The following PXYLP1 variants were observed in gnomAD, a reference collection of about 807,000 sequenced individuals.
PXYLP1 encodes 2-phosphoxylose phosphatase 1.
A neutral mutation model predicts 37.9 loss-of-function variants in PXYLP1; 17 were observed. That is an observed-to-expected ratio of 0.45 (90% CI 0.31 to 0.67). The LOEUF (loss-of-function observed/expected upper bound fraction) is 0.67, where lower values mean the gene tolerates loss of function less well. PXYLP1 is among the 30% of genes least tolerant of loss of function. PXYLP1 has a pLI of 0.07. For missense variants in PXYLP1, 511 were observed against 612.0 expected (o/e 0.84, Z 1.74); for synonymous variants, 221 against 232.2 (o/e 0.95, Z 0.44).
intron 1 of PXYLP1, among the ~76,000 whole-genome samples, chr3:141,233,857 C>T (rs1940593595): frequency 6.6e-6 from 1 of 152,208 alleles, no homozygotes; most frequent in Non-Finnish European, 1.5e-5. Flanking sequence ...CATACTGGGG[C>T]TCAGTAGGGT....
chr3:141,253,323 C>T (rs1024216538), intron 1 of PXYLP1, among the ~76,000 whole-genome samples: 1 of 152,206 alleles, frequency 6.6e-6, no homozygotes, highest in African/African-American at 2.4e-5. Context: ...CCAGCTCCGC[C>T]TGTGTGGCCT....
intron 1 of PXYLP1, among the ~76,000 whole-genome samples, chr3:141,254,122 A>G (rs1255066262): frequency 2.0e-5 from 3 of 152,108 alleles, no homozygotes; most frequent in Non-Finnish European, 4.4e-5. Context: ...TGTGTTGGCC[A>G]GGCTGGTCTT....
At chr3:141,283,411 G>C (rs954820251) in intron 4 of PXYLP1, among the ~76,000 whole-genome samples, 12 of 152,086 alleles carry the variant, frequency 7.9e-5, no homozygotes, top group African/African-American at 2.7e-4. Flanking sequence ...GAGGAGTGAG[G>C]GATGGGCCAA....
intron 1 of PXYLP1, among the ~76,000 whole-genome samples, chr3:141,248,520 CACACACGTATATATAT>C (rs1403311529): frequency 1.7e-4 from 25 of 147,642 alleles, no homozygotes; most frequent in African/African-American, 5.8e-4. Flanking sequence ...TATACACACA[CACACACGTATATATAT>C]ACACACACGT....
chr3:141,268,206 A>AGAGAGAGTGT (rs1325105026), intron 2 of PXYLP1, among the ~76,000 whole-genome samples: 1 of 51,304 alleles, frequency 1.9e-5, no homozygotes, highest in Non-Finnish European at 5.3e-5. Flanking sequence ...AGAGAGAGAG[A>AGAGAGAGTGT]GTGTGTGTGT....
chr3:141,287,461 T>C lies in PXYLP1; in HGVS notation c.505+8T>C. ...GAGAGCTCACACAGACAGGTATGTG[T>C]GACCCCCATGCGCTCAGGGGTTCCC... On this transcript the variant is annotated splice_region_variant and intron_variant, in intron 5 of 5. Coordinates refer to ENST00000286353, the MANE Select transcript of PXYLP1 (RefSeq NM_001037172.3). 1 of 1,612,998 alleles carries C rather than the reference T, an allele frequency of 6.2e-7. No individual in the cohort carries two copies. Among genetic ancestry groups the C allele is most frequent in the Middle Eastern group, 1.7e-4 (1 of 6,056 alleles).
intron 5 of PXYLP1, among the ~76,000 whole-genome samples, chr3:141,290,835 G>GT (rs1232923632): frequency 6.6e-6 from 1 of 152,084 alleles, no homozygotes; most frequent in Non-Finnish European, 1.5e-5. Flanking sequence ...TCTTCATTGG[G>GT]TTTTTGTGAG....
chr3:141,234,419 C>G (rs1364032138), intron 1 of PXYLP1: 2 of 152,216 alleles, frequency 1.3e-5, no homozygotes, highest in African/African-American at 2.4e-5. Flanking sequence ...AGCCCCAGTC[C>G]CCTTTAACAT....
At position 141,279,361 on chromosome 3, in the gene PXYLP1, G is replaced by A. The variant is rs747123588; in HGVS notation, c.239-17G>A. On this transcript the variant is annotated splice_polypyrimidine_tract_variant and intron_variant, in intron 3 of 5. Coordinates refer to ENST00000286353, the MANE Select transcript of PXYLP1 (RefSeq NM_001037172.3). Reference sequence around the variant, plus strand: ...ACCTATTGAGTGATAACCAGACAATGTGCTTCTCTCGCGCAGGTCATGCCC... The same window carrying A: ...ACCTATTGAGTGATAACCAGACAATATGCTTCTCTCGCGCAGGTCATGCCC... 1.5e-5 allele frequency: 25 copies of A among 1,613,898 alleles called. No individual in the cohort carries two copies. In the African/African-American group the frequency reaches 2.7e-4, roughly 17 times the overall value.
At chr3:141,249,577 C>A (rs868775590) in intron 1 of PXYLP1, among the ~76,000 whole-genome samples, 1 of 149,656 alleles carries the variant, frequency 6.7e-6, no homozygotes, top group Non-Finnish European at 1.5e-5. Context: ...TTAATCCTCT[C>A]GTGCTTTCTT....
chr3:141,254,948 A>G, intron 1 of PXYLP1, among the ~76,000 whole-genome samples: 1 of 152,212 alleles, frequency 6.6e-6, no homozygotes, highest in East Asian at 1.9e-4. Flanking sequence ...AGAGTTTGTC[A>G]CTAGATGTGG....
intron 1 of PXYLP1, among the ~76,000 whole-genome samples, chr3:141,246,084 C>T (rs1300481200): frequency 2.0e-5 from 3 of 152,240 alleles, no homozygotes; most frequent in Admixed American, 1.3e-4. Context: ...CTGGGGTCTG[C>T]GTGGCAAGGA....
intron 1 of PXYLP1, among the ~76,000 whole-genome samples, chr3:141,257,485 T>C (rs1041056797): frequency 4.6e-5 from 7 of 152,084 alleles, no homozygotes; most frequent in African/African-American, 1.7e-4. Context: ...ACAAAGAGCA[T>C]GAAAAAATTG....
intron 4 of PXYLP1, among the ~76,000 whole-genome samples, chr3:141,285,147 T>TTCTTC (rs777484212): frequency 7.5e-6 from 1 of 132,854 alleles, no homozygotes; most frequent in Non-Finnish European, 1.6e-5. Context: ...TCTTTTTCTT[T>TTCTTC]TTTTTTTTTT....
At chr3:141,264,173 GGGAAAAGA>G (rs909304091) in intron 2 of PXYLP1, among the ~76,000 whole-genome samples, 5 of 151,612 alleles carry the variant, frequency 3.3e-5, no homozygotes, top group Non-Finnish European at 7.4e-5. Flanking sequence ...GATTCCCAGT[GGGAAAAGA>G]GGAAAAGAGG....
intron 1 of PXYLP1, among the ~76,000 whole-genome samples, chr3:141,246,422 G>A (rs918252397): frequency 2.0e-5 from 3 of 152,174 alleles, no homozygotes; most frequent in Admixed American, 2.0e-4. Context: ...ACTTGAGAGT[G>A]TGAGACAGGG....
At position 141,293,176 on chromosome 3, in the gene PXYLP1, T is replaced by C. The variant is rs750741706; in HGVS notation, c.1414T>C (p.Tyr472His). Residue 472 changes from tyrosine to histidine, a missense_variant, in exon 6 of 6, where the codon TAT becomes CAT. By Grantham distance (83) the Tyr-to-His change is moderately conservative. Coordinates refer to ENST00000286353, the MANE Select transcript of PXYLP1 (RefSeq NM_001037172.3). ...CCTGGGTGGCAGTGGTACAAATTAT[T>C]ATGATGCATGTCACAGGGAAGGATT... ...VALGGSGTNY[Y>H]DACHREGF The C allele has an allele frequency of 2.5e-6, 4 of 1,613,802 alleles. No individual in the cohort carries two copies. Among genetic ancestry groups the C allele is most frequent in the Admixed American group, 1.7e-5 (1 of 60,010 alleles).
At chr3:141,282,156 C>T (rs955950034) in intron 4 of PXYLP1, among the ~76,000 whole-genome samples, 1 of 152,128 alleles carries the variant, frequency 6.6e-6, no homozygotes, top group African/African-American at 2.4e-5. Flanking sequence ...ACCCGCCTGA[C>T]CTTGCCCTCC....
chr3:141,250,884 C>T (rs927851932), intron 1 of PXYLP1, among the ~76,000 whole-genome samples: 3 of 152,188 alleles, frequency 2.0e-5, no homozygotes, highest in Non-Finnish European at 4.4e-5. Context: ...CTGTTACCTG[C>T]AGCCAAGCCA....
Sources: allele counts gnomAD v4.1 joint callset (sites outside exome capture counted in the v4.1 genomes callset), GRCh38; gene constraint gnomAD v4.1.1; transcripts MANE v1.5; gene names NCBI Gene and HGNC (gene_info 2026-07-23, HGNC 2026-07-21).